ADAMTSL1: variants seen among roughly 807,000 people sequenced by gnomAD.
The protein encoded by ADAMTSL1 is ADAMTS-like protein 1.
In ADAMTSL1, 126 loss-of-function variants were observed where a neutral mutation model predicts 201.8. The ratio of observed to expected loss-of-function variants is 0.62; its 90% CI spans 0.54 to 0.72. The LOEUF (loss-of-function observed/expected upper bound fraction) is 0.72. ADAMTSL1 is among the 30% of genes least tolerant of loss of function. The pLI, the probability that ADAMTSL1 is intolerant of heterozygous loss-of-function variation, is 0.00. For synonymous variants in ADAMTSL1, 1,121 were observed against 903.4 expected (o/e 1.24, Z -4.32); for missense variants, 2,679 against 2,277.8 (o/e 1.18, Z -3.59).
chr9:18,620,419 C>G (rs906441534), intron 4 of ADAMTSL1, among the ~76,000 whole-genome samples: 1 of 152,274 alleles, frequency 6.6e-6, no homozygotes, highest in South Asian at 2.1e-4. Context: ...TGGCCCATAG[C>G]AGGTCCTCAA....
intron 21 of ADAMTSL1, among the ~76,000 whole-genome samples, chr9:18,823,143 A>G (rs1824316555): frequency 6.6e-6 from 1 of 152,186 alleles, no homozygotes; most frequent in African/African-American, 2.4e-5. Context: ...GGCACCAGTA[A>G]CAATACCTAC....
chr9:17,916,821 T>G (rs1156852504), intron 1 of ADAMTSL1, among the ~76,000 whole-genome samples: 5 of 152,300 alleles, frequency 3.3e-5, no homozygotes, highest in African/African-American at 1.2e-4. Context: ...AAAAGATGCA[T>G]GCGGGGATTT....
At chr9:18,181,206 C>G (rs1828458280) in intron 2 of ADAMTSL1, among the ~76,000 whole-genome samples, 1 of 152,184 alleles carries the variant, frequency 6.6e-6, no homozygotes, top group African/African-American at 2.4e-5. Context: ...TAGGCAACAC[C>G]ATTCAGGACA....
Position 18,721,673 on chromosome 9 carries a change from A to T in ADAMTSL1, c.2006+8A>T, listed in dbSNP as rs1256930818. Reference sequence around the variant, plus strand: ...GGATCCCTGCCCAGCAAGGTAAGGGATGTGTGGCCTGCCCTGCTGTCCAGG... The same window carrying T: ...GGATCCCTGCCCAGCAAGGTAAGGGTTGTGTGGCCTGCCCTGCTGTCCAGG... On this transcript the variant is annotated splice_region_variant and intron_variant, in intron 15 of 28. Transcript: ENST00000380548. 2 of 1,613,436 alleles carry T rather than the reference A, an allele frequency of 1.2e-6. No individual in the cohort carries two copies. Among genetic ancestry groups the T allele is most frequent in the South Asian group, 2.2e-5 (2 of 91,002 alleles).
At chr9:18,036,865 A>G (rs1821221264) in intron 1 of ADAMTSL1, among the ~76,000 whole-genome samples, 1 of 152,046 alleles carries the variant, frequency 6.6e-6, no homozygotes, top group African/African-American at 2.4e-5. Flanking sequence ...GAGTTTCCTT[A>G]TGGACACAGT....
At chr9:18,138,134 C>T (rs1438985087) in intron 1 of ADAMTSL1, among the ~76,000 whole-genome samples, 1 of 152,084 alleles carries the variant, frequency 6.6e-6, no homozygotes, top group Non-Finnish European at 1.5e-5. Context: ...GTTTCCTCCT[C>T]TGTAAGGGAG....
At chr9:18,571,330 G>A (rs1390839114) in intron 3 of ADAMTSL1, among the ~76,000 whole-genome samples, 2 of 152,140 alleles carry the variant, frequency 1.3e-5, no homozygotes, top group East Asian at 1.9e-4. Context: ...TGTTTCACTT[G>A]TATAGAAAAA....
intron 1 of ADAMTSL1, among the ~76,000 whole-genome samples, chr9:17,933,932 T>C (rs1465164778): frequency 6.6e-6 from 1 of 152,164 alleles, no homozygotes; most frequent in Non-Finnish European, 1.5e-5. Flanking sequence ...TTGTTTCTGT[T>C]CTATTTTTGG....
intron 2 of ADAMTSL1, among the ~76,000 whole-genome samples, chr9:18,203,893 GT>G (rs1321384647): frequency 6.6e-6 from 1 of 152,092 alleles, no homozygotes; most frequent in Non-Finnish European, 1.5e-5. Context: ...TTGAAATGGA[GT>G]TGAGAAGGAA....
chr9:18,384,371 C>T (rs1407439451), intron 2 of ADAMTSL1, among the ~76,000 whole-genome samples: 1 of 152,120 alleles, frequency 6.6e-6, no homozygotes, highest in Non-Finnish European at 1.5e-5. Flanking sequence ...TCACCTCTCA[C>T]CAGGTCCCTC....
At chr9:18,441,306 T>C (rs543692778) in intron 2 of ADAMTSL1, among the ~76,000 whole-genome samples, 2 of 152,328 alleles carry the variant, frequency 1.3e-5, no homozygotes, top group African/African-American at 2.4e-5. Context: ...TTATGGAATG[T>C]GAAATTGTAT....
chr9:18,800,462 T>C (rs1187391083), intron 20 of ADAMTSL1, among the ~76,000 whole-genome samples: 1 of 149,514 alleles, frequency 6.7e-6, no homozygotes, highest in African/African-American at 2.5e-5. Flanking sequence ...GACTGACTGA[T>C]CTAAGCTGCC....
At chr9:18,299,596 A>G (rs1339708924) in intron 2 of ADAMTSL1, among the ~76,000 whole-genome samples, 1 of 152,186 alleles carries the variant, frequency 6.6e-6, no homozygotes, top group Non-Finnish European at 1.5e-5. Flanking sequence ...GGGAAGACAA[A>G]TAATGGGACG....
At chr9:18,861,407 G>A (rs574528737) in intron 23 of ADAMTSL1, among the ~76,000 whole-genome samples, 14 of 152,276 alleles carry the variant, frequency 9.2e-5, no homozygotes, top group East Asian at 3.9e-4. Flanking sequence ...TGTGAATCTC[G>A]GAAAGGTCAG....
At chr9:17,930,547 T>G (rs1277037349) in intron 1 of ADAMTSL1, among the ~76,000 whole-genome samples, 1 of 152,172 alleles carries the variant, frequency 6.6e-6, no homozygotes, top group Non-Finnish European at 1.5e-5. Flanking sequence ...AACTGGTCTC[T>G]GGCACATTGT....
chr9:18,069,417 A>G (rs1162007599), intron 1 of ADAMTSL1, among the ~76,000 whole-genome samples: 2 of 152,230 alleles, frequency 1.3e-5, no homozygotes, highest in Admixed American at 6.5e-5. Context: ...ACATACATAC[A>G]TACATACACA....
intron 1 of ADAMTSL1, among the ~76,000 whole-genome samples, chr9:18,498,541 T>C (rs892584465): frequency 1.3e-5 from 2 of 152,176 alleles, no homozygotes; most frequent in African/African-American, 4.8e-5. Flanking sequence ...TTTAACCATG[T>C]TGGTCAGGCT....
intron 15 of ADAMTSL1, among the ~76,000 whole-genome samples, chr9:18,747,376 G>T (rs1464809419): frequency 6.6e-6 from 1 of 152,006 alleles, no homozygotes; most frequent in East Asian, 1.9e-4. Flanking sequence ...CTCAGTGAAT[G>T]AGGCTCGGAT....
intron 1 of ADAMTSL1, among the ~76,000 whole-genome samples, chr9:18,158,886 A>G (rs1285086463): frequency 6.6e-6 from 1 of 151,940 alleles, no homozygotes; most frequent in Non-Finnish European, 1.5e-5. Context: ...TGGCAGGACT[A>G]GATTTGGGCT....
Sources: gnomAD v4.1 joint callset for allele counts (sites outside exome capture counted in the v4.1 genomes callset) on GRCh38, gnomAD v4.1.1 for gene constraint, MANE v1.5 for transcripts, NCBI Gene and HGNC (gene_info 2026-07-23, HGNC 2026-07-21) for gene names.